Variants in CDK10 observed in about 807,000 individuals in gnomAD.
CDK10 encodes the protein cyclin dependent kinase 10, also known as cyclin-dependent kinase 10.
Under a neutral mutation model 51.0 loss-of-function variants are expected in CDK10, and 55 were observed. The ratio of observed to expected loss-of-function variants is 1.08; its 90% CI spans 0.87 to 1.35. CDK10 has a LOEUF of 1.35. Ranked by LOEUF, CDK10 falls within the 40% of genes most tolerant of loss-of-function variation. CDK10 has a pLI of 0.00. For synonymous variants in CDK10, 255 were observed against 199.1 expected (o/e 1.28, Z -2.36); for missense variants, 589 against 485.1 (o/e 1.21, Z -2.01).
At chr16:89,688,362 G>A (rs1029554142) in intron 1 of CDK10, among the ~76,000 whole-genome samples, 7 of 152,130 alleles carry the variant, frequency 4.6e-5, no homozygotes, top group African/African-American at 1.2e-4. Flanking sequence ...GATTACAGGC[G>A]TGAGCCACTG....
intron 1 of CDK10, among the ~76,000 whole-genome samples, chr16:89,688,551 G>A (rs548189793): frequency 2.0e-5 from 3 of 152,076 alleles, no homozygotes; most frequent in Admixed American, 1.3e-4. Context: ...TTTTCTTCCC[G>A]TCACTGAGGT....
intron 6 of CDK10, among the ~76,000 whole-genome samples, chr16:89,692,981 CA>C (rs1034802442): frequency 6.6e-6 from 1 of 151,468 alleles, no homozygotes; most frequent in Non-Finnish European, 1.5e-5. Flanking sequence ...ACTAAAAATA[CA>C]AAAAAATTAG....
intron 12 of CDK10, 24 bp from the exon 13 acceptor site, chr16:89,695,571 A>T (rs1166427092): frequency 1.3e-6 from 2 of 1,590,852 alleles, no homozygotes; most frequent in Non-Finnish European, 1.7e-6. Flanking sequence ...TGCCCCGCCC[A>T]GCACTGAACC....
chr16:89,688,481 C>T (rs993903549), intron 1 of CDK10, among the ~76,000 whole-genome samples: 5 of 152,202 alleles, frequency 3.3e-5, no homozygotes, highest in Admixed American at 1.3e-4. Flanking sequence ...TCACTCTCCC[C>T]TAACATTCTG....
chr16:89,689,198 C>G, intron 1 of CDK10, 54 bp from the exon 2 acceptor site: 1 of 1,515,674 alleles, frequency 6.6e-7, no homozygotes, highest in Admixed American at 1.7e-5. Context: ...GAAATTTCCT[C>G]AGTTGTTCCA....
In CDK10 at chr16:89,686,817, G is replaced by C. The variant is rs776632375; in HGVS notation, c.87+20G>C. On this transcript the variant is annotated intron_variant, in intron 1 of 12. Transcript: ENST00000353379. The stretch of plus-strand genomic sequence containing the variant: ...CACAGGGTGCGCGGGGTGCCACCCG[G>C]GCAGCTCTGCCCGCCTCGCTAGCGG... 4.4e-6 allele frequency: 7 copies of C among 1,595,372 alleles called. No homozygotes were observed. The East Asian group carries it at 1.4e-4, about 31-fold the overall frequency.
Position 89,695,201 on chromosome 16 carries a change from C to T in CDK10, c.933-92C>T, listed in dbSNP as rs964125213. The stretch of plus-strand genomic sequence containing the variant: ...GCCGCTCGGAGTGGCCACCTGGCTT[C>T]CTTTGAGCATTTGAATCACAGGCTG... On this transcript the variant is annotated intron_variant, in intron 11 of 12. Coordinates refer to ENST00000353379, the MANE Select transcript of CDK10 (RefSeq NM_052988.5). The T allele has an allele frequency of 6.5e-6, 10 of 1,543,692 alleles. No individual in the cohort carries two copies. The African/African-American group carries it at 1.1e-4, about 17-fold the overall frequency.
chr16:89,695,263 A>C (rs759125199), intron 11 of CDK10, 30 bp from the exon 12 acceptor site: 1 of 1,595,994 alleles, frequency 6.3e-7, no homozygotes, highest in Non-Finnish European at 8.6e-7. Context: ...CGCACTCACA[A>C]GTCGCACTAA....
intron 1 of CDK10, among the ~76,000 whole-genome samples, chr16:89,688,582 T>A (rs1334367981): frequency 6.6e-6 from 1 of 152,156 alleles, no homozygotes; most frequent in African/African-American, 2.4e-5. Context: ...GAAAGCTTCC[T>A]TTCACCTGGA....
chr16:89,686,836 C>T (rs374755246), intron 1 of CDK10, 39 bp downstream of exon 1: 3 of 1,542,308 alleles, frequency 1.9e-6, no homozygotes, highest in Non-Finnish European at 2.7e-6. Context: ...GCCCGCCTCG[C>T]TAGCGGCACT....
intron 1 of CDK10, chr16:89,687,902 G>T (rs995244186): frequency 3.2e-6 from 1 of 309,304 alleles, no homozygotes; most frequent in African/African-American, 2.2e-5. Context: ...TCGGTCCCCA[G>T]GTGTCAGGAA....
At chr16:89,693,369 G>C (rs778432730) in intron 7 of CDK10, 29 bp from the exon 8 acceptor site, 2 of 1,614,112 alleles carry the variant, frequency 1.2e-6, no homozygotes, top group South Asian at 1.1e-5. Context: ...GATGGCACTT[G>C]GTGACACACA....
At chr16:89,695,109 C>T in intron 11 of CDK10, 39 bp downstream of exon 11, 3 of 1,594,870 alleles carry the variant, frequency 1.9e-6, no homozygotes, top group Non-Finnish European at 2.6e-6. Flanking sequence ...CCCTCACCAC[C>T]CACACTGTCC....
chr16:89,692,356 C>A, intron 5 of CDK10, 93 bp from the exon 6 acceptor site: 2 of 933,376 alleles, frequency 2.1e-6, no homozygotes, highest in Non-Finnish European at 3.2e-6. Flanking sequence ...GCTATTGGGA[C>A]TGCTAGTCCT....
At chr16:89,689,582 A>G (rs1461588675) in intron 2 of CDK10, 1 of 454,494 alleles carries the variant, frequency 2.2e-6, no homozygotes, top group Non-Finnish European at 4.0e-6. Flanking sequence ...GAACTGTTAG[A>G]GAAATAAAAT....
chr16:89,692,592 AAAG>A, intron 6 of CDK10, 76 bp downstream of exon 6: 1 of 1,133,282 alleles, frequency 8.8e-7, no homozygotes, highest in Non-Finnish European at 1.2e-6. Flanking sequence ...GGAGTTACTA[AAAG>A]CTCAGGGGTT....
At position 89,690,632 on chromosome 16, in the gene CDK10, G is replaced by T. The variant is rs1421588295; in HGVS notation, c.232+8G>T. On this transcript the variant is annotated splice_region_variant and intron_variant, in intron 3 of 12. Transcript: ENST00000353379. ...TGGACAAGGAGAAGGATGGTGAGCA[G>T]GAAATTGGGGTGTTGGGACCTCGCA... The T allele has an allele frequency of 2.5e-6, 4 of 1,612,776 alleles. No individual in the cohort carries two copies. The highest frequency in any genetic ancestry group is 3.4e-6 in the Non-Finnish European group (4 of 1,178,842).
Position 89,694,931 on chromosome 16 carries a change from G to T in CDK10, c.793G>T (p.Gly265Cys). The T allele has an allele frequency of 6.2e-7, 1 of 1,612,848 alleles. No individual in the cohort carries two copies. The highest frequency in any genetic ancestry group is 1.1e-5 in the South Asian group (1 of 91,078). ...GCGCCTCAGCTCCTGCCTCCCATAG[G>T]GCTTTTCCAAGCTGCCACTGGTCGG... is the stretch of plus-strand genomic sequence containing the variant. ...LGTPSENIWPGFSKLPLVGQY... is the reference protein window; with the variant it reads ...LGTPSENIWPCFSKLPLVGQY... The change falls in exon 11 of 13, where the codon GGC (glycine) becomes TGC (cysteine). Residue 265 changes from glycine (G) to cysteine (C), a missense_variant and splice_region_variant. Physicochemically the swap from Gly to Cys is radical, Grantham distance 159. Coordinates refer to ENST00000353379, the MANE Select transcript of CDK10 (RefSeq NM_052988.5).
At chr16:89,686,927 T>A in intron 1 of CDK10, 130 bp downstream of exon 1, 1 of 739,386 alleles carries the variant, frequency 1.4e-6, no homozygotes, top group Non-Finnish European at 2.1e-6. Context: ...GTCCCAGAGT[T>A]CCCCGCGGCG....
Sources: gnomAD v4.1 joint callset for allele counts (sites outside exome capture counted in the v4.1 genomes callset) on GRCh38, gnomAD v4.1.1 for gene constraint, MANE v1.5 for transcripts, NCBI Gene and HGNC (gene_info 2026-07-23, HGNC 2026-07-21) for gene names.